KLF12: variants seen among roughly 807,000 people sequenced by gnomAD.
The protein encoded by KLF12 is KLF transcription factor 12.
Under a neutral mutation model 37.8 loss-of-function variants are expected in KLF12, and 9 were observed. The ratio of observed to expected loss-of-function variants is 0.24; its 90% CI spans 0.14 to 0.42. KLF12 has a LOEUF of 0.42. KLF12 is among the 10% of genes least tolerant of loss of function. KLF12 has a pLI of 1.00. For missense variants in KLF12, 411 were observed against 516.0 expected, an observed-to-expected ratio of 0.80 and a Z score of 1.97; for synonymous variants, 208 against 202.1, an observed-to-expected ratio of 1.03 and a Z score of -0.25.
At chr13:74,004,542 C>A (rs1316926490) in intron 1 of KLF12, among the ~76,000 whole-genome samples, 1 of 152,134 alleles carries the variant, frequency 6.6e-6, no homozygotes, top group Non-Finnish European at 1.5e-5. Flanking sequence ...ATAACTTCAT[C>A]ATGCAATGCA....
rs115481706 is a variant in KLF12, at chr13:73,972,810, G to A, written c.33+22180C>T. On this transcript the variant is annotated intron_variant, in intron 2 of 7. Transcript: ENST00000377669. ...AAGGTTGTGTGTGTTTTGCCCGTGT[G>A]AGAGCTGGATTTATATCAGTACCAA... Among the ~76,000 whole-genome samples the A allele has an allele frequency of 4.4e-3, 661 of 151,152 alleles. 9 individuals are homozygous for A. The highest frequency in any genetic ancestry group is 0.015 in the African/African-American group (620 of 41,082).
the KLF12 span, among the ~76,000 whole-genome samples, chr13:74,216,482 C>A: frequency 6.6e-6 from 1 of 152,146 alleles, no homozygotes; most frequent in African/African-American, 2.4e-5. Context: ...GAAAATTGGG[C>A]AGCATGGTAG....
chr13:73,809,347 A>C (rs73216745), intron 5 of KLF12, among the ~76,000 whole-genome samples: 2 of 151,676 alleles, frequency 1.3e-5, no homozygotes, highest in African/African-American at 4.8e-5. Flanking sequence ...AGTTTACAGA[A>C]GTCATCAAGA....
chr13:73,835,204 C>T (rs927040510), intron 4 of KLF12, among the ~76,000 whole-genome samples: 3 of 151,798 alleles, frequency 2.0e-5, no homozygotes, highest in Non-Finnish European at 4.4e-5. Context: ...ACCACACTGT[C>T]TTGCAACACT....
the KLF12 span, among the ~76,000 whole-genome samples, chr13:74,287,349 T>TGAGAGAGAGAGATAGAGAGAGAGA: frequency 7.4e-4 from 53 of 71,896 alleles, 4 homozygotes; most frequent in African/African-American, 2.9e-3. Flanking sequence ...CTATCAAAGT[T>TGAGAGAGAGAGATAGAGAGAGAGA]GAGAGAGAGA....
At chr13:73,723,194 A>G (rs1876401132) in intron 6 of KLF12, among the ~76,000 whole-genome samples, 1 of 152,196 alleles carries the variant, frequency 6.6e-6, no homozygotes, top group Non-Finnish European at 1.5e-5. Flanking sequence ...TTGAAAGAGG[A>G]TTGTTGGCTA....
At chr13:74,097,352 T>C (rs1033258087) in intron 1 of KLF12, among the ~76,000 whole-genome samples, 1 of 152,174 alleles carries the variant, frequency 6.6e-6, no homozygotes, top group African/African-American at 2.4e-5. Flanking sequence ...TTTTATACTG[T>C]ACATCTGTGC....
intron 4 of KLF12, among the ~76,000 whole-genome samples, chr13:73,822,856 C>T (rs1299491167): frequency 6.6e-6 from 1 of 152,182 alleles, no homozygotes; most frequent in African/African-American, 2.4e-5. Context: ...ACTCTAGGAG[C>T]CCTCTGAGAT....
chr13:73,812,840 T>A (rs1335625801), intron 5 of KLF12: 2 of 219,570 alleles, frequency 9.1e-6, no homozygotes. Context: ...ATAATGATGA[T>A]GATAATCAAA....
chr13:73,801,064 C>A (rs1594106280), intron 5 of KLF12: 2 of 151,992 alleles, frequency 1.3e-5, no homozygotes, highest in African/African-American at 4.8e-5. Context: ...TTGAAGATGG[C>A]CATGTAAAAC....
chr13:73,850,868 C>T (rs1209161698), intron 3 of KLF12, among the ~76,000 whole-genome samples: 1 of 152,140 alleles, frequency 6.6e-6, no homozygotes, highest in African/African-American at 2.4e-5. Context: ...AGTAACTTGC[C>T]TAACATTACA....
chr13:74,197,168 A>G, the KLF12 span, among the ~76,000 whole-genome samples: 8 of 152,212 alleles, frequency 5.3e-5, no homozygotes, highest in African/African-American at 1.9e-4. Context: ...AAAAATAATA[A>G]CTAGAATTAT....
rs550184848 is a variant in KLF12 at position 73,731,646 on chromosome 13, C to T, written c.870-16121G>A. Among the ~76,000 whole-genome samples the T allele has an allele frequency of 2.3e-4, 35 of 151,306 alleles. 1 individual carries two copies. In the South Asian group the frequency reaches 7.1e-3, roughly 31 times the overall value. ...AGTTGGCAGTTTACATACTTGATGACCTAGGTGATTGCTTTTCTGATTGTT... is the reference window on the plus strand; with the variant it reads ...AGTTGGCAGTTTACATACTTGATGATCTAGGTGATTGCTTTTCTGATTGTT... On this transcript the variant is annotated intron_variant, in intron 6 of 7. Coordinates refer to ENST00000377669, the MANE Select transcript of KLF12 (RefSeq NM_007249.5).
intron 1 of KLF12, among the ~76,000 whole-genome samples, chr13:74,008,044 C>G (rs1313766050): frequency 6.6e-6 from 1 of 152,048 alleles, no homozygotes; most frequent in Non-Finnish European, 1.5e-5. Context: ...GAAAGGGATA[C>G]AAGGGGCTGA....
At chr13:73,751,615 T>C (rs1035889001) in intron 6 of KLF12, among the ~76,000 whole-genome samples, 3 of 151,964 alleles carry the variant, frequency 2.0e-5, no homozygotes, top group African/African-American at 7.3e-5. Context: ...TACCATGAGG[T>C]TTCTAGCTTG....
chr13:74,007,904 T>C (rs949824872), intron 1 of KLF12, among the ~76,000 whole-genome samples: 8 of 147,938 alleles, frequency 5.4e-5, no homozygotes, highest in Non-Finnish European at 1.2e-4. Context: ...AAACGCAATG[T>C]GAAATAAAAT....
intron 4 of KLF12, among the ~76,000 whole-genome samples, chr13:73,827,517 C>T (rs1883917713): frequency 6.6e-6 from 1 of 152,156 alleles, no homozygotes. Context: ...AGAACACTCC[C>T]ACCTTCCCCA....
the KLF12 span, among the ~76,000 whole-genome samples, chr13:74,169,854 C>T: frequency 6.6e-6 from 1 of 152,304 alleles, no homozygotes; most frequent in African/African-American, 2.4e-5. Context: ...AGGCTGCTTG[C>T]TTCAACTTCA....
chr13:74,133,287 G>C (rs1022017230), intron 1 of KLF12, among the ~76,000 whole-genome samples: 3 of 151,882 alleles, frequency 2.0e-5, no homozygotes, highest in African/African-American at 7.3e-5. Context: ...CACCCCGCTC[G>C]AGGCCGGGGG....
Sources: allele counts gnomAD v4.1 joint callset (sites outside exome capture counted in the v4.1 genomes callset), GRCh38; gene constraint gnomAD v4.1.1; transcripts MANE v1.5; gene names NCBI Gene and HGNC (gene_info 2026-07-23, HGNC 2026-07-21).